Variants in FGF12 observed in about 807,000 individuals in gnomAD.
FGF12 encodes the protein fibroblast growth factor 12B.
Under a neutral mutation model 23.6 loss-of-function variants are expected in FGF12, and 14 were observed. That is an observed-to-expected ratio of 0.59 (90% CI 0.39 to 0.93). The LOEUF is 0.93. Ranked by LOEUF, FGF12 falls within the 40% of genes least tolerant of loss-of-function variation. The probability of loss-of-function intolerance (pLI) is 0.00; values close to 1 mark genes in which losing one functional copy is unlikely to be tolerated. For synonymous variants in FGF12, 62 were observed against 77.3 expected, an observed-to-expected ratio of 0.80 and a Z score of 1.04; for missense variants, 175 against 217.8, an observed-to-expected ratio of 0.80 and a Z score of 1.24.
intron 4 of FGF12, among the ~76,000 whole-genome samples, chr3:192,218,377 G>A (rs1217228330): frequency 6.6e-6 from 1 of 152,090 alleles, no homozygotes; most frequent in Non-Finnish European, 1.5e-5. Flanking sequence ...CCCAATGTTG[G>A]AGGAAGGGTT....
chr3:192,596,050 A>G (rs978789182), intron 2 of FGF12, among the ~76,000 whole-genome samples: 5 of 144,588 alleles, frequency 3.5e-5, no homozygotes, highest in Non-Finnish European at 3.0e-5. Flanking sequence ...CCGATATTGT[A>G]CCACTGTACT....
rs1186966084 is a variant in FGF12 at position 192,641,404 on chromosome 3, C to CTTT, written c.13+85774_13+85776dup. Among the ~76,000 whole-genome samples, 2 of 30,250 alleles carry CTTT rather than the reference C, an allele frequency of 6.6e-5. 1 individual carries two copies. Among genetic ancestry groups the CTTT allele is most frequent in the Non-Finnish European group, 1.5e-4 (2 of 13,034 alleles). The allele number at this position is 30,250 out of a possible 152,430, so 19.8% of individuals were successfully genotyped here. On this transcript the variant is annotated intron_variant, in intron 2 of 5. Transcript: ENST00000445105. ...ACAGGCGTGAGCCACCGCGCCCGGC[C>CTTT]TTTTTTTTTTTTTTTTTGAGACAGA...
intron 2 of FGF12, among the ~76,000 whole-genome samples, chr3:192,671,390 T>C (rs1404910264): frequency 1.3e-5 from 2 of 152,210 alleles, no homozygotes; most frequent in African/African-American, 4.8e-5. Context: ...TAAACAGGAT[T>C]CAAAGATATC....
chr3:192,210,299 T>C (rs1242929155), intron 4 of FGF12, among the ~76,000 whole-genome samples: 1 of 152,080 alleles, frequency 6.6e-6, no homozygotes, highest in African/African-American at 2.4e-5. Context: ...TGTATCAGAT[T>C]AAAAGAAGTC....
chr3:192,447,953 G>A (rs961940895), intron 2 of FGF12, among the ~76,000 whole-genome samples: 5 of 152,086 alleles, frequency 3.3e-5, no homozygotes, highest in Admixed American at 6.5e-5. Context: ...AATTCGTTTC[G>A]CCAGTTTCTG....
chr3:192,555,127 A>C (rs1711707396), intron 2 of FGF12, among the ~76,000 whole-genome samples: 2 of 152,182 alleles, frequency 1.3e-5, no homozygotes, highest in Non-Finnish European at 2.9e-5. Context: ...TTGAAGAAGT[A>C]ATGGGCCCAA....
At chr3:192,394,714 C>G (rs143005766) in intron 2 of FGF12, among the ~76,000 whole-genome samples, 2 of 152,228 alleles carry the variant, frequency 1.3e-5, no homozygotes, top group African/African-American at 4.8e-5. Context: ...AATCAAAAAC[C>G]TCTTTTATTT....
intron 4 of FGF12, among the ~76,000 whole-genome samples, chr3:192,307,401 G>A (rs547399671): frequency 6.6e-6 from 1 of 152,276 alleles, no homozygotes; most frequent in South Asian, 2.1e-4. Flanking sequence ...AGCAACGACA[G>A]GATGCTAATT....
intron 2 of FGF12, among the ~76,000 whole-genome samples, chr3:192,631,297 A>C (rs925605311): frequency 6.6e-6 from 1 of 152,136 alleles, no homozygotes; most frequent in South Asian, 2.1e-4. Context: ...CAGTGTCTGG[A>C]TATTTGAGAC....
intron 2 of FGF12, among the ~76,000 whole-genome samples, chr3:192,642,982 T>C (rs1044801694): frequency 6.6e-6 from 1 of 152,242 alleles, no homozygotes; most frequent in Non-Finnish European, 1.5e-5. Context: ...AGATCACCTA[T>C]CAATTACGTT....
At chr3:192,192,734 G>C (rs1716858409) in intron 4 of FGF12, among the ~76,000 whole-genome samples, 1 of 151,934 alleles carries the variant, frequency 6.6e-6, no homozygotes, top group Non-Finnish European at 1.5e-5. Flanking sequence ...AATAAAAGAA[G>C]TGTCTTTAAT....
chr3:192,317,383 C>T lies in FGF12; in HGVS notation c.228+17978G>A, dbSNP rs375348886. Among the ~76,000 whole-genome samples, 40 of 151,862 alleles carry T rather than the reference C, an allele frequency of 2.6e-4. No individual in the cohort carries two copies. The South Asian group carries it at 3.5e-3, about 13-fold the overall frequency. ...AAAGAGCGAGACCCAGCCCTGGCAACGTTCACCACAAGCTGACTGAGGAGC... is the reference window on the plus strand; with the variant it reads ...AAAGAGCGAGACCCAGCCCTGGCAATGTTCACCACAAGCTGACTGAGGAGC... On this transcript the variant is annotated intron_variant, in intron 4 of 5. Coordinates refer to ENST00000445105, the MANE Select transcript of FGF12 (RefSeq NM_004113.6).
chr3:192,364,679 G>T (rs895706101), intron 2 of FGF12, among the ~76,000 whole-genome samples: 1 of 152,170 alleles, frequency 6.6e-6, no homozygotes, highest in African/African-American at 2.4e-5. Context: ...AGGGGCTATA[G>T]AAACAACAGA....
At chr3:192,540,894 T>C (rs1725348075) in intron 2 of FGF12, among the ~76,000 whole-genome samples, 1 of 152,178 alleles carries the variant, frequency 6.6e-6, no homozygotes, top group South Asian at 2.1e-4. Context: ...GTAATGACCT[T>C]CTTTGATTCT....
chr3:192,536,291 G>C (rs1725220924), intron 2 of FGF12, among the ~76,000 whole-genome samples: 1 of 152,112 alleles, frequency 6.6e-6, no homozygotes, highest in South Asian at 2.1e-4. Flanking sequence ...TTACTATCTG[G>C]CTCTTAGCAG....
intron 3 of FGF12, among the ~76,000 whole-genome samples, chr3:192,356,504 TC>T (rs144144190): frequency 0.065 from 9,867 of 152,256 alleles, 1,139 homozygotes; most frequent in African/African-American, 0.23. Context: ...ACTGCCATTG[TC>T]TTTTTTGTTC....
chr3:192,708,210 C>T (rs1202298597), intron 2 of FGF12, among the ~76,000 whole-genome samples: 2 of 152,050 alleles, frequency 1.3e-5, no homozygotes, highest in East Asian at 1.9e-4. Context: ...CCACCCACCT[C>T]GGCCTCCCAA....
At chr3:192,651,358 T>C (rs555284015) in intron 2 of FGF12, among the ~76,000 whole-genome samples, 1 of 152,228 alleles carries the variant, frequency 6.6e-6, no homozygotes, top group African/African-American at 2.4e-5. Flanking sequence ...GCCTAGATGA[T>C]ATACCCTAGA....
At chr3:192,668,758 C>A (rs1413192838) in intron 2 of FGF12, among the ~76,000 whole-genome samples, 2 of 152,074 alleles carry the variant, frequency 1.3e-5, no homozygotes, top group African/African-American at 4.8e-5. Context: ...AATGACACCT[C>A]AAATAAGAAT....
Sources: allele counts gnomAD v4.1 joint callset (sites outside exome capture counted in the v4.1 genomes callset), GRCh38; gene constraint gnomAD v4.1.1; transcripts MANE v1.5; gene names NCBI Gene and HGNC (gene_info 2026-07-23, HGNC 2026-07-21).